The following PARD3 variants were observed in gnomAD, a reference collection of about 807,000 sequenced individuals.
PARD3 encodes par-3 family cell polarity regulator, also known as partitioning defective 3 homolog.
In PARD3, 75 loss-of-function variants were observed where a neutral mutation model predicts 155.4. The observed-to-expected ratio is 0.48, with a 90% CI of 0.40 to 0.58. PARD3 has a LOEUF of 0.58. Ranked by LOEUF, PARD3 falls within the 20% of genes least tolerant of loss-of-function variation. PARD3 has a pLI of 0.00. For missense variants in PARD3, 1,642 were observed against 1,721.7 expected, an observed-to-expected ratio of 0.95 and a Z score of 0.82; for synonymous variants, 576 against 610.5, an observed-to-expected ratio of 0.94 and a Z score of 0.83.
chr10:34,328,045 C>T (rs1259299367), intron 19 of PARD3, among the ~76,000 whole-genome samples: 2 of 152,172 alleles, frequency 1.3e-5, no homozygotes, highest in Non-Finnish European at 2.9e-5. Context: ...CGAAGGAGGG[C>T]TAACTGAGCC....
intron 4 of PARD3, among the ~76,000 whole-genome samples, chr10:34,457,361 C>T (rs925323602): frequency 6.6e-6 from 1 of 152,140 alleles, no homozygotes; most frequent in Admixed American, 6.6e-5. Flanking sequence ...CTCGTTTGAA[C>T]CAATTTTCTC....
At chr10:34,554,261 T>A (rs2084815455) in intron 2 of PARD3, among the ~76,000 whole-genome samples, 1 of 152,218 alleles carries the variant, frequency 6.6e-6, no homozygotes, top group Admixed American at 6.5e-5. Flanking sequence ...AACATGTAGA[T>A]CCTGTTTAAA....
intron 2 of PARD3, among the ~76,000 whole-genome samples, chr10:34,620,022 A>T (rs2091542265): frequency 6.6e-6 from 1 of 151,994 alleles, no homozygotes; most frequent in Non-Finnish European, 1.5e-5. Flanking sequence ...TAAAGAACAC[A>T]CACACCACCA....
At chr10:34,746,463 T>C (rs1449596797) in intron 1 of PARD3, among the ~76,000 whole-genome samples, 1 of 152,026 alleles carries the variant, frequency 6.6e-6, no homozygotes, top group African/African-American at 2.4e-5. Context: ...ATAATAATAA[T>C]TTCTTAATAC....
At chr10:34,239,383 G>A (rs1953436438) in intron 22 of PARD3, among the ~76,000 whole-genome samples, 2 of 152,348 alleles carry the variant, frequency 1.3e-5, no homozygotes, top group African/African-American at 4.8e-5. Flanking sequence ...CTTGAGCAGA[G>A]GGCTCAGGGG....
intron 2 of PARD3, among the ~76,000 whole-genome samples, chr10:34,634,943 C>T (rs1224461116): frequency 1.3e-5 from 2 of 152,152 alleles, no homozygotes; most frequent in African/African-American, 2.4e-5. Context: ...AGCAGGAGTC[C>T]AGGGCACAGT....
intron 1 of PARD3, among the ~76,000 whole-genome samples, chr10:34,805,564 T>TAC (rs1843274142): frequency 6.8e-6 from 1 of 147,596 alleles, no homozygotes; most frequent in South Asian, 2.1e-4. Flanking sequence ...TATATATATA[T>TAC]ATACACCGTA....
intron 22 of PARD3, among the ~76,000 whole-genome samples, chr10:34,151,268 A>C (rs1441652241): frequency 1.3e-5 from 2 of 152,168 alleles, no homozygotes; most frequent in East Asian, 3.8e-4. Context: ...GATTTCACCA[A>C]GAAACGTAGT....
intron 1 of PARD3, among the ~76,000 whole-genome samples, chr10:34,809,247 T>C (rs1843774370): frequency 1.3e-5 from 2 of 152,124 alleles, no homozygotes; most frequent in African/African-American, 4.8e-5. Flanking sequence ...AACATGTTGA[T>C]TCTCAGCTTT....
chr10:34,239,802 C>CAAA (rs200115114), intron 22 of PARD3, among the ~76,000 whole-genome samples: 1 of 120,364 alleles, frequency 8.3e-6, no homozygotes, highest in Non-Finnish European at 1.8e-5. Flanking sequence ...CACTCCATCT[C>CAAA]AAAAAAAAAA....
At chr10:34,381,525 C>G (rs764127480) in intron 9 of PARD3, among the ~76,000 whole-genome samples, 37 of 152,112 alleles carry the variant, frequency 2.4e-4, no homozygotes, top group Non-Finnish European at 4.4e-4. Context: ...ACTGCAAGAA[C>G]ATGCTCTCTA....
At chr10:34,257,648 T>A (rs1616608) in intron 22 of PARD3, among the ~76,000 whole-genome samples, 19,317 of 152,100 alleles carry the variant, frequency 0.13, 3,124 homozygotes, top group African/African-American at 0.38. Flanking sequence ...ACGACCAAAG[T>A]CTAAAACAGC....
intron 22 of PARD3, among the ~76,000 whole-genome samples, chr10:34,231,961 G>A (rs1952957064): frequency 6.6e-6 from 1 of 152,046 alleles, no homozygotes; most frequent in South Asian, 2.1e-4. Flanking sequence ...AATTATAGCA[G>A]CAAAGCAAAC....
At chr10:34,727,963 T>G (rs866491460) in intron 1 of PARD3, among the ~76,000 whole-genome samples, 2 of 151,878 alleles carry the variant, frequency 1.3e-5, no homozygotes, top group Non-Finnish European at 2.9e-5. Flanking sequence ...GCACAGGCCT[T>G]TTCAGCACCC....
chr10:34,778,903 GCTAA>G (rs754767899), intron 1 of PARD3, among the ~76,000 whole-genome samples: 3 of 152,218 alleles, frequency 2.0e-5, no homozygotes, highest in East Asian at 3.8e-4. Flanking sequence ...ACAAACAGCA[GCTAA>G]CTGAGAAAGC....
chr10:34,693,937 T>G (rs1278645810), intron 2 of PARD3, among the ~76,000 whole-genome samples: 3 of 152,146 alleles, frequency 2.0e-5, no homozygotes, highest in Non-Finnish European at 4.4e-5. Flanking sequence ...GTCTCTTTAT[T>G]TAAAAGAAAA....
chr10:34,703,608 C>G lies in PARD3; in HGVS notation c.121-7189G>C, dbSNP rs1401562087. 2.0e-5 allele frequency among the ~76,000 whole-genome samples: 3 copies of G among 152,000 alleles called. No homozygotes were observed. The East Asian group carries it at 5.8e-4, about 29-fold the overall frequency. On this transcript the variant is annotated intron_variant, in intron 1 of 24. Coordinates refer to ENST00000374788, the MANE Select transcript of PARD3 (RefSeq NM_001184785.2). Reference sequence around the variant, plus strand: ...CAAAAACAATTTCAACTTAATTCCCCAAAATGACATATGTTTCCACATTAA... The same window carrying G: ...CAAAAACAATTTCAACTTAATTCCCGAAAATGACATATGTTTCCACATTAA...
At chr10:34,179,869 C>A (rs886972588) in intron 22 of PARD3, among the ~76,000 whole-genome samples, 2 of 152,054 alleles carry the variant, frequency 1.3e-5, no homozygotes, top group African/African-American at 4.8e-5. Context: ...GGCACATGTG[C>A]AGGTAGCAGG....
chr10:34,645,175 A>ATTTTATTTTAT (rs199913061), intron 2 of PARD3, among the ~76,000 whole-genome samples: 2 of 146,312 alleles, frequency 1.4e-5, no homozygotes, highest in African/African-American at 5.4e-5. Flanking sequence ...ATTTTATTTT[A>ATTTTATTTTAT]TTTTATTTTA....
Sources: allele counts gnomAD v4.1 joint callset (sites outside exome capture counted in the v4.1 genomes callset), GRCh38; gene constraint gnomAD v4.1.1; transcripts MANE v1.5; gene names NCBI Gene and HGNC (gene_info 2026-07-23, HGNC 2026-07-21).